Variants in CTR9 observed in about 807,000 individuals in gnomAD.
The protein encoded by CTR9 is CTR9 component of Paf1/RNA polymerase II complex.
A neutral mutation model predicts 152.1 loss-of-function variants in CTR9; 41 were observed. The observed-to-expected ratio is 0.27, with a 90% CI of 0.21 to 0.35. The LOEUF is 0.35. Ranked by LOEUF, CTR9 falls within the 10% of genes least tolerant of loss-of-function variation. The pLI is 1.00. For missense variants in CTR9, 917 were observed against 1,424.4 expected, an observed-to-expected ratio of 0.64 and a Z score of 5.73; for synonymous variants, 476 against 496.2, an observed-to-expected ratio of 0.96 and a Z score of 0.54.
At chr11:10,759,643 A>C (rs1337364829) in intron 5 of CTR9, among the ~76,000 whole-genome samples, 2 of 152,212 alleles carry the variant, frequency 1.3e-5, no homozygotes, top group Non-Finnish European at 2.9e-5. Flanking sequence ...TAGAGAGAAA[A>C]AATAGGGGAG....
At chr11:10,753,039 A>G (rs1862829847) in intron 2 of CTR9, among the ~76,000 whole-genome samples, 1 of 152,352 alleles carries the variant, frequency 6.6e-6, no homozygotes, top group Non-Finnish European at 1.5e-5. Flanking sequence ...GTGCTTGTTC[A>G]GTGAAGGCTG....
chr11:10,778,655 C>T (rs746327843), intron 24 of CTR9, 24 bp from the exon 25 acceptor site: 38 of 1,598,120 alleles, frequency 2.4e-5, no homozygotes, highest in Non-Finnish European at 3.0e-5. Flanking sequence ...TCCTCAGCTT[C>T]TAACCAATGA....
At chr11:10,761,044 A>G (rs1246309599) in intron 6 of CTR9, among the ~76,000 whole-genome samples, 1 of 152,220 alleles carries the variant, frequency 6.6e-6, no homozygotes, top group Non-Finnish European at 1.5e-5. Context: ...CAAAACAGGG[A>G]TACCTGGGTT....
intron 19 of CTR9, 47 bp downstream of exon 19, chr11:10,771,663 T>C (rs1281197095): frequency 1.4e-6 from 2 of 1,386,190 alleles, no homozygotes; most frequent in Non-Finnish European, 2.1e-6. Flanking sequence ...GGCAGTGATA[T>C]TTACATGGGC....
intron 16 of CTR9, among the ~76,000 whole-genome samples, chr11:10,769,114 C>G (rs1863103504): frequency 6.6e-6 from 1 of 152,052 alleles, no homozygotes; most frequent in Non-Finnish European, 1.5e-5. Context: ...CCAGCTTACT[C>G]AGGAAGCTGA....
At chr11:10,762,322 T>C (rs1220547738) in intron 7 of CTR9, among the ~76,000 whole-genome samples, 1 of 152,172 alleles carries the variant, frequency 6.6e-6, no homozygotes, top group East Asian at 1.9e-4. Context: ...ACTCAAGGAG[T>C]TCAATTTCAT....
rs761909746 is a variant in CTR9 at position 10,778,800 on chromosome 11, C to T, written c.3217C>T (p.Pro1073Ser). ...CAAGTCTGGCAGCGAGGCCGGCAGT[C>T]CCCGGAGGCCACGAAGACAGCGGTC... ...QNKSGSEAGS[P>S]RRPRRQRSDQ... is the part of the protein sequence containing the mutation. The change falls in exon 25 of 25, where the codon CCC becomes TCC. Residue 1073 changes from proline to serine, a missense_variant. Around this residue, in one of 9 missense-constraint regions of CTR9, gnomAD observed 384 missense variants for 398.4 expected, o/e 0.96. Transcript: ENST00000361367. 9.9e-6 allele frequency: 16 copies of T among 1,614,072 alleles called. No homozygotes were observed. The highest frequency in any genetic ancestry group is 1.3e-5 in the Non-Finnish European group (15 of 1,180,030).
rs779286678 is a variant in CTR9 at position 10,768,350 on chromosome 11, T to C, written c.1968T>C (p.Val656=). The C allele has an allele frequency of 6.2e-7, 1 of 1,612,444 alleles. No homozygotes were observed. The highest frequency in any genetic ancestry group is 1.1e-5 in the South Asian group (1 of 90,462). Residue 656 remains valine (V), a synonymous_variant, in exon 16 of 25, where the codon GTT becomes GTC. Transcript: ENST00000361367. The part of the protein sequence containing the change: ...NLYAANGIGA[V]LAHKGYFREA... ...ACCTTTTTATATCTTTAGGAGCTGT[T>C]TTGGCCCACAAAGGATATTTTCGTG...
intron 24 of CTR9, among the ~76,000 whole-genome samples, chr11:10,777,020 G>A (rs1298908616): frequency 7.2e-6 from 1 of 138,592 alleles, no homozygotes; most frequent in Non-Finnish European, 1.5e-5. Context: ...TTGGATTAAT[G>A]TATCATGTAA....
chr11:10,774,075 A>G lies in CTR9; in HGVS notation c.2791A>G (p.Ile931Val), dbSNP rs144369097. The change falls in exon 22 of 25, where the codon ATA becomes GTA. Residue 931 changes from isoleucine to valine, a missense_variant. By Grantham distance (29) the Ile-to-Val change is conservative. This residue lies in a region of CTR9 where 384 missense variants were observed against 398.4 expected (regional missense o/e 0.96). Transcript: ENST00000361367. ...VNDDTDDDLP[I>V]SKKKKRRKGS... ...TGATGACACTGATGATGACCTACCT[A>G]TATCCAAAAAGAAGAAGAGAAGAAA... 70 of 1,612,778 alleles carry G rather than the reference A, an allele frequency of 4.3e-5. No homozygotes were observed. Among genetic ancestry groups the G allele is most frequent in the Non-Finnish European group, 5.5e-5 (65 of 1,178,948 alleles).
At position 10,767,814 on chromosome 11, in the gene CTR9, A is replaced by C. The variant is rs1354663627; in HGVS notation, c.1695A>C (p.Pro565=). 1 of 1,614,064 alleles carries C rather than the reference A, an allele frequency of 6.2e-7. No individual in the cohort carries two copies. ...KEALQINQDH[P]DAWSLIGNLH... ...ATGTATGTATGTTTCAGGATCATCC[A>C]GATGCTTGGTCTTTGATTGGCAATC... Residue 565 remains proline (P), a synonymous_variant, in exon 14 of 25, where the codon CCA becomes CCC. Transcript: ENST00000361367. The surrounding 1 kb of genome is among the most constrained non-coding windows in gnomAD (Gnocchi z 4.0).
chr11:10,753,359 C>A (rs1392552100), intron 2 of CTR9, among the ~76,000 whole-genome samples: 1 of 152,042 alleles, frequency 6.6e-6, no homozygotes, highest in East Asian at 1.9e-4. Flanking sequence ...ATGATGTTTT[C>A]TTTTTATAGG....
intron 2 of CTR9, among the ~76,000 whole-genome samples, chr11:10,754,749 G>A (rs1862858631): frequency 6.6e-6 from 1 of 152,134 alleles, no homozygotes; most frequent in African/African-American, 2.4e-5. Flanking sequence ...CCATGTTGTA[G>A]CATGTATCAG....
intron 5 of CTR9, among the ~76,000 whole-genome samples, chr11:10,757,432 A>C (rs1862903019): frequency 6.6e-6 from 1 of 151,758 alleles, no homozygotes; most frequent in African/African-American, 2.4e-5. Context: ...CTCTACAGAA[A>C]ATCAGCCGCA....
Position 10,767,687 on chromosome 11 carries a change from G to T in CTR9, c.1687-119G>T. On this transcript the variant is annotated intron_variant, in intron 13 of 24. Coordinates refer to ENST00000361367, the MANE Select transcript of CTR9 (RefSeq NM_014633.5). This position sits in a 1 kb window ranked among gnomAD's most constrained non-coding sequence, Gnocchi z 4.0. Reference sequence around the variant, plus strand: ...AAAAAAAAGAAAGAAAGAAAAGAAAGAAAACCACTGTTGTAATATAGTTTG... The same window carrying T: ...AAAAAAAAGAAAGAAAGAAAAGAAATAAAACCACTGTTGTAATATAGTTTG... 2 of 835,618 alleles carry T rather than the reference G, an allele frequency of 2.4e-6. No homozygotes were observed. Among genetic ancestry groups the T allele is most frequent in the South Asian group, 2.1e-5 (1 of 48,750 alleles). 51.8% of individuals were successfully genotyped at this position (835,618 alleles called of 1,614,324 possible). A position where few individuals can be genotyped will look rare whatever the true frequency, so the allele number is the denominator to read the frequency against.
intron 16 of CTR9, among the ~76,000 whole-genome samples, chr11:10,768,837 G>T (rs1233185929): frequency 6.6e-6 from 1 of 152,212 alleles, no homozygotes; most frequent in African/African-American, 2.4e-5. Context: ...GTAATACCCA[G>T]TAAGTAGTAG....
rs150590351 is a variant in CTR9, at chr11:10,772,708, C to T, written c.2580+53C>T. The T allele has an allele frequency of 8.8e-5, 130 of 1,485,646 alleles. No homozygotes were observed. In the Middle Eastern group the frequency reaches 1.3e-3, roughly 15 times the overall value. The allele number at this position is 1,485,646 out of a possible 1,614,324, so 92.0% of individuals were successfully genotyped here. On this transcript the variant is annotated intron_variant, in intron 20 of 24. Transcript: ENST00000361367. ...AATTAATGAATTGTGTGCATGCATA[C>T]ACTTTGTATGTTTAAAAAAAAAAGT...
rs185087123 is a variant in CTR9, at chr11:10,767,104, T to C, written c.1686+614T>C. ...CTAAATGGATTTTACAACTTACTAA[T>C]GGGTATCAACTCAGTTTGAAAACCA... On this transcript the variant is annotated intron_variant, in intron 13 of 24. Transcript: ENST00000361367. This position sits in a 1 kb window ranked among gnomAD's most constrained non-coding sequence, Gnocchi z 4.0. 3 of 152,886 alleles carry C rather than the reference T, an allele frequency of 2.0e-5. No homozygotes were observed. The East Asian group carries it at 5.8e-4, about 29-fold the overall frequency. 9.5% of individuals were successfully genotyped at this position (152,886 alleles called of 1,614,324 possible).
intron 5 of CTR9, 124 bp downstream of exon 5, chr11:10,756,962 G>GT (rs113272010): frequency 0.04 from 24,746 of 613,230 alleles, no homozygotes; most frequent in Non-Finnish European, 0.045. Flanking sequence ...TCAGAATCAA[G>GT]TTTTTTTTTT....
Sources: allele counts gnomAD v4.1 joint callset (sites outside exome capture counted in the v4.1 genomes callset), GRCh38; gene constraint gnomAD v4.1.1; regional missense constraint gnomAD v4.1.1; non-coding constraint Gnocchi (gnomAD v3.1); transcripts MANE v1.5; gene names NCBI Gene and HGNC (gene_info 2026-07-23, HGNC 2026-07-21).